Variants in PDE3B observed in about 807,000 individuals in gnomAD.
PDE3B encodes phosphodiesterase 3B.
A neutral mutation model predicts 116.8 loss-of-function variants in PDE3B; 66 were observed. The observed-to-expected ratio is 0.56, with a 90% CI of 0.46 to 0.69. PDE3B has a LOEUF of 0.69. PDE3B is among the 30% of genes least tolerant of loss of function. The pLI, the probability that PDE3B is intolerant of heterozygous loss-of-function variation, is 0.00. For synonymous variants in PDE3B, 595 were observed against 533.6 expected, an observed-to-expected ratio of 1.12 and a Z score of -1.59; for missense variants, 1,384 against 1,368.1, an observed-to-expected ratio of 1.01 and a Z score of -0.18.
chr11:14,764,624 C>T (rs1685235380), intron 1 of PDE3B, among the ~76,000 whole-genome samples: 2 of 151,908 alleles, frequency 1.3e-5, no homozygotes, highest in Admixed American at 6.6e-5. Context: ...AAGTTCTGTC[C>T]GTCACTTACT....
intron 4 of PDE3B, among the ~76,000 whole-genome samples, chr11:14,790,226 TTGAA>T (rs1858340827): frequency 6.6e-6 from 1 of 151,780 alleles, no homozygotes; most frequent in East Asian, 1.9e-4. Context: ...AAAAGAAAAA[TTGAA>T]TGAAGTGATG....
chr11:14,691,293 G>C (rs550047836), intron 1 of PDE3B, among the ~76,000 whole-genome samples: 1 of 152,042 alleles, frequency 6.6e-6, no homozygotes, highest in South Asian at 2.1e-4. Context: ...ATTTTCATTT[G>C]GATGTTTAAA....
chr11:14,780,143 A>G (rs1432540340), intron 2 of PDE3B, among the ~76,000 whole-genome samples: 2 of 152,232 alleles, frequency 1.3e-5, no homozygotes, highest in African/African-American at 4.8e-5. Flanking sequence ...CACCCAATAT[A>G]GGAGCACCCA....
chr11:14,848,084 C>A (rs1565163352), intron 12 of PDE3B, among the ~76,000 whole-genome samples: 1 of 147,756 alleles, frequency 6.8e-6, no homozygotes, highest in South Asian at 2.2e-4. Context: ...ATGCAAAAAT[C>A]CTCAATAAAA....
intron 1 of PDE3B, among the ~76,000 whole-genome samples, chr11:14,698,118 A>G (rs1464106393): frequency 6.6e-6 from 1 of 151,922 alleles, no homozygotes; most frequent in Non-Finnish European, 1.5e-5. Context: ...ATAGATTGGT[A>G]TTAGTGGTAG....
chr11:14,830,586 A>G lies in PDE3B; in HGVS notation c.1808-112A>G, dbSNP rs192293392. The G allele has an allele frequency of 5.6e-3, 2,591 of 459,984 alleles. 12 individuals carry two copies. The highest frequency in any genetic ancestry group is 7.5e-3 in the Non-Finnish European group (2,009 of 266,962). 28.5% of individuals were successfully genotyped at this position (459,984 alleles called of 1,614,324 possible). A position where few individuals can be genotyped will look rare whatever the true frequency, so the allele number is the denominator to read the frequency against. ...GGTATCGTGAAATAATTTAGATTGA[A>G]CTCCATTATGATTCATTTTATCTAA... On this transcript the variant is annotated intron_variant, in intron 7 of 15. Transcript: ENST00000282096.
chr11:14,805,052 T>C (rs1314324695), intron 5 of PDE3B, among the ~76,000 whole-genome samples: 1 of 152,082 alleles, frequency 6.6e-6, no homozygotes, highest in Non-Finnish European at 1.5e-5. Flanking sequence ...CTAAAATATG[T>C]GTGACTGAAG....
intron 1 of PDE3B, among the ~76,000 whole-genome samples, chr11:14,764,241 G>A (rs1373936273): frequency 6.6e-6 from 1 of 152,258 alleles, no homozygotes; most frequent in East Asian, 1.9e-4. Flanking sequence ...GGAAGCAGCA[G>A]AGAAGAAATA....
the PDE3B span, chr11:14,890,830 G>A: frequency 6.1e-6 from 6 of 982,168 alleles, no homozygotes; most frequent in East Asian, 1.1e-4. Flanking sequence ...TTATAGGCGT[G>A]AGCCACCGCG....
At chr11:14,652,804 T>A (rs1376148166) in intron 1 of PDE3B, among the ~76,000 whole-genome samples, 1 of 152,232 alleles carries the variant, frequency 6.6e-6, no homozygotes, top group East Asian at 1.9e-4. Flanking sequence ...CTTGCTTATT[T>A]CACTTAGTAT....
At chr11:14,655,682 C>T (rs1244369080) in intron 1 of PDE3B, among the ~76,000 whole-genome samples, 3 of 152,088 alleles carry the variant, frequency 2.0e-5, no homozygotes, top group Admixed American at 6.5e-5. Flanking sequence ...ATCAGTTTTT[C>T]GGGGGAGTGT....
At position 14,691,637 on chromosome 11, in the gene PDE3B, G is replaced by C. The variant is rs111780052; in HGVS notation, c.978+46584G>C. On this transcript the variant is annotated intron_variant, in intron 1 of 15. Coordinates refer to ENST00000282096, the MANE Select transcript of PDE3B (RefSeq NM_000922.4). ...AGCAGGTCTAGGTGCTGGAGATAGA[G>C]CAGTGAACAACACAAAATTTCTGCC... is the stretch of plus-strand genomic sequence containing the variant. 5.0e-3 allele frequency among the ~76,000 whole-genome samples: 757 copies of C among 152,228 alleles called. 11 individuals carry two copies. Among genetic ancestry groups the C allele is most frequent in the African/African-American group, 0.018 (738 of 41,542 alleles).
chr11:14,794,565 C>T (rs1450084559), intron 4 of PDE3B, among the ~76,000 whole-genome samples: 3 of 152,112 alleles, frequency 2.0e-5, no homozygotes, highest in Non-Finnish European at 4.4e-5. Context: ...CTGCCTGCCT[C>T]GGCCTCCCAA....
chr11:14,850,920 C>T (rs1296395664), intron 12 of PDE3B, among the ~76,000 whole-genome samples: 1 of 152,056 alleles, frequency 6.6e-6, no homozygotes, highest in Non-Finnish European at 1.5e-5. Context: ...GCTCCGCCCC[C>T]CAGGTTCATG....
At chr11:14,793,279 T>C (rs1717385073) in intron 4 of PDE3B, among the ~76,000 whole-genome samples, 2 of 152,202 alleles carry the variant, frequency 1.3e-5, no homozygotes, top group Admixed American at 6.5e-5. Flanking sequence ...ATTTCAGGTT[T>C]TGGAATATTT....
intron 12 of PDE3B, among the ~76,000 whole-genome samples, chr11:14,855,705 C>G (rs1178740370): frequency 2.6e-5 from 4 of 151,596 alleles, no homozygotes; most frequent in African/African-American, 7.3e-5. Flanking sequence ...GAGAGACAGA[C>G]AGAGAGAGAA....
intron 12 of PDE3B, among the ~76,000 whole-genome samples, chr11:14,846,957 C>A (rs1458522702): frequency 6.6e-6 from 1 of 152,094 alleles, no homozygotes; most frequent in Admixed American, 6.5e-5. Flanking sequence ...CAAGGATACC[C>A]AGGAATTGAA....
intron 1 of PDE3B, among the ~76,000 whole-genome samples, chr11:14,758,868 A>G (rs1214265316): frequency 6.6e-6 from 1 of 151,768 alleles, no homozygotes; most frequent in Non-Finnish European, 1.5e-5. Flanking sequence ...GAATGCTTCC[A>G]GTTTTTGCCC....
intron 7 of PDE3B, among the ~76,000 whole-genome samples, chr11:14,827,512 T>C (rs1006409777): frequency 1.3e-5 from 2 of 152,094 alleles, no homozygotes; most frequent in African/African-American, 4.8e-5. Flanking sequence ...AGCATTCCTA[T>C]ACACTAACAC....
Sources: allele counts gnomAD v4.1 joint callset (sites outside exome capture counted in the v4.1 genomes callset), GRCh38; gene constraint gnomAD v4.1.1; transcripts MANE v1.5; gene names NCBI Gene and HGNC (gene_info 2026-07-23, HGNC 2026-07-21).